Variants in CAMK1D observed in about 807,000 individuals in gnomAD.
CAMK1D encodes calcium/calmodulin dependent protein kinase ID.
A neutral mutation model predicts 47.7 loss-of-function variants in CAMK1D; 9 were observed. The observed-to-expected ratio is 0.19, with a 90% CI of 0.11 to 0.33. The LOEUF (loss-of-function observed/expected upper bound fraction) is 0.33. Ranked by LOEUF, CAMK1D falls within the 10% of genes least tolerant of loss-of-function variation. The probability of loss-of-function intolerance (pLI) is 1.00; values close to 1 mark genes in which losing one functional copy is unlikely to be tolerated. For synonymous variants in CAMK1D, 184 were observed against 184.9 expected, an observed-to-expected ratio of 0.99 and a Z score of 0.04; for missense variants, 291 against 488.7, an observed-to-expected ratio of 0.60 and a Z score of 3.81.
Position 12,830,504 on chromosome 10 carries a change from G to C in CAMK1D, c.*1617G>C, listed in dbSNP as rs1359713577. 6.6e-6 allele frequency: 1 copy of C among 152,214 alleles called. No homozygotes were observed. Among genetic ancestry groups the C allele is most frequent in the Non-Finnish European group, 1.5e-5 (1 of 68,056 alleles). 9.4% of individuals were successfully genotyped at this position (152,214 alleles called of 1,614,324 possible). A position where few individuals can be genotyped will look rare whatever the true frequency, so the allele number is the denominator to read the frequency against. On this transcript the variant is annotated 3_prime_UTR_variant, in exon 11 of 11. Coordinates refer to ENST00000619168, the MANE Select transcript of CAMK1D (RefSeq NM_153498.4). Reference sequence around the variant, plus strand: ...GGTAGGGTCACCAAACGTCCCATTTGCCCGAGACTGAAGGATTTCTCAGGC... The same window carrying C: ...GGTAGGGTCACCAAACGTCCCATTTCCCCGAGACTGAAGGATTTCTCAGGC...
intron 1 of CAMK1D, among the ~76,000 whole-genome samples, chr10:12,550,523 A>G (rs1322690804): frequency 6.6e-6 from 1 of 152,122 alleles, no homozygotes. Context: ...TGGAATTGTT[A>G]TGATTTGGGT....
intron 1 of CAMK1D, among the ~76,000 whole-genome samples, chr10:12,388,902 G>T (rs367970593): frequency 6.6e-6 from 1 of 152,194 alleles, no homozygotes; most frequent in Non-Finnish European, 1.5e-5. Context: ...AAAGCCTGTC[G>T]TTGGAGGAAA....
intron 6 of CAMK1D, among the ~76,000 whole-genome samples, chr10:12,811,676 A>G (rs1359477567): frequency 6.6e-6 from 1 of 152,252 alleles, no homozygotes; most frequent in Non-Finnish European, 1.5e-5. Context: ...GAATTTTCTT[A>G]AAGAATTTTT....
intron 3 of CAMK1D, among the ~76,000 whole-genome samples, chr10:12,732,110 G>A (rs570269246): frequency 9.2e-5 from 14 of 152,196 alleles, no homozygotes; most frequent in South Asian, 2.1e-4. Flanking sequence ...GTGTGGTGGC[G>A]CGTGCCTGTA....
intron 3 of CAMK1D, among the ~76,000 whole-genome samples, chr10:12,747,177 G>A (rs1482455507): frequency 6.6e-6 from 1 of 151,980 alleles, no homozygotes; most frequent in Non-Finnish European, 1.5e-5. Context: ...GACTACAGGC[G>A]CACACCACCA....
At chr10:12,572,607 A>G (rs1296662897) in intron 2 of CAMK1D, among the ~76,000 whole-genome samples, 1 of 152,068 alleles carries the variant, frequency 6.6e-6, no homozygotes, top group Admixed American at 6.6e-5. Flanking sequence ...GAGGGGCCCT[A>G]GGCAAGGCAA....
chr10:12,545,610 G>C (rs1836341586), intron 1 of CAMK1D, among the ~76,000 whole-genome samples: 1 of 151,672 alleles, frequency 6.6e-6, no homozygotes, highest in Admixed American at 6.6e-5. Context: ...GACCATCCTG[G>C]CCAACATGGT....
intron 2 of CAMK1D, among the ~76,000 whole-genome samples, chr10:12,617,173 T>C (rs1345413791): frequency 6.6e-6 from 1 of 152,204 alleles, no homozygotes; most frequent in Non-Finnish European, 1.5e-5. Flanking sequence ...ATTTAAGCTT[T>C]GCAGTAAGAT....
intron 1 of CAMK1D, among the ~76,000 whole-genome samples, chr10:12,546,898 T>C (rs931742175): frequency 3.9e-5 from 6 of 151,938 alleles, no homozygotes; most frequent in African/African-American, 1.5e-4. Context: ...ACATGGCACA[T>C]GTATAGATAT....
At chr10:12,490,523 TC>T (rs1167538882) in intron 1 of CAMK1D, among the ~76,000 whole-genome samples, 2 of 152,168 alleles carry the variant, frequency 1.3e-5, no homozygotes, top group Non-Finnish European at 2.9e-5. Flanking sequence ...ATTAGGGCAG[TC>T]TCACTGATAT....
intron 1 of CAMK1D, among the ~76,000 whole-genome samples, chr10:12,550,095 G>A (rs1836529213): frequency 6.6e-6 from 1 of 152,208 alleles, no homozygotes; most frequent in Non-Finnish European, 1.5e-5. Context: ...GAGGAGAGGG[G>A]CCTGATCGCA....
chr10:12,666,722 A>ATT lies in CAMK1D; in HGVS notation c.225-5_225-4dup. ...ATCATACTCACTATTTTGTGCGTCT[A>ATT]TTTTTTTTTTCAGGATTAAGCATGA... On this transcript the variant is annotated splice_polypyrimidine_tract_variant and intron_variant, in intron 2 of 10. Transcript: ENST00000619168. 16 of 1,406,932 alleles carry ATT rather than the reference A, an allele frequency of 1.1e-5. No homozygotes were observed. The highest frequency in any genetic ancestry group is 3.9e-5 in the South Asian group (3 of 77,162). 87.2% of individuals were successfully genotyped at this position (1,406,932 alleles called of 1,614,324 possible).
At chr10:12,811,869 T>C (rs1385579970) in intron 6 of CAMK1D, among the ~76,000 whole-genome samples, 1 of 152,252 alleles carries the variant, frequency 6.6e-6, no homozygotes, top group East Asian at 1.9e-4. Context: ...GACAGACCCA[T>C]CTTGGGGCTC....
chr10:12,485,410 A>C (rs774412485), intron 1 of CAMK1D, among the ~76,000 whole-genome samples: 1 of 152,156 alleles, frequency 6.6e-6, no homozygotes, highest in Non-Finnish European at 1.5e-5. Context: ...AGAAACAGGC[A>C]GCACAATGGT....
At chr10:12,472,923 C>T (rs769371393) in intron 1 of CAMK1D, among the ~76,000 whole-genome samples, 4 of 152,128 alleles carry the variant, frequency 2.6e-5, no homozygotes, top group East Asian at 1.9e-4. Flanking sequence ...TGCAGGAACT[C>T]GCTGCTCCTT....
intron 1 of CAMK1D, among the ~76,000 whole-genome samples, chr10:12,373,384 C>A (rs1838062589): frequency 1.3e-5 from 2 of 151,940 alleles, no homozygotes; most frequent in South Asian, 4.2e-4. Flanking sequence ...GTAATCCCAG[C>A]ACTTTGGGAA....
chr10:12,469,757 T>A (rs1833694217), intron 1 of CAMK1D, among the ~76,000 whole-genome samples: 1 of 152,274 alleles, frequency 6.6e-6, no homozygotes, highest in African/African-American at 2.4e-5. Context: ...GAGAACACTT[T>A]AGTGGAAATG....
chr10:12,574,085 G>T (rs1837415132), intron 2 of CAMK1D, among the ~76,000 whole-genome samples: 1 of 151,960 alleles, frequency 6.6e-6, no homozygotes, highest in Admixed American at 6.6e-5. Context: ...ACCAACCATT[G>T]TACTGAAACT....
chr10:12,830,723 C>T lies in CAMK1D; in HGVS notation c.*1836C>T, dbSNP rs991821511. Reference sequence around the variant, plus strand: ...GTGCCCCTGCTTCAGCTCTCAGGCCCATCCAATGCCTCGAGCCCACGGGGG... The same window carrying T: ...GTGCCCCTGCTTCAGCTCTCAGGCCTATCCAATGCCTCGAGCCCACGGGGG... On this transcript the variant is annotated 3_prime_UTR_variant, in exon 11 of 11. Coordinates refer to ENST00000619168, the MANE Select transcript of CAMK1D (RefSeq NM_153498.4). The T allele has an allele frequency of 6.6e-6, 1 of 152,210 alleles. No individual in the cohort carries two copies. Among genetic ancestry groups the T allele is most frequent in the Non-Finnish European group, 1.5e-5 (1 of 68,062 alleles). 9.4% of individuals were successfully genotyped at this position (152,210 alleles called of 1,614,324 possible).
Sources: allele counts gnomAD v4.1 joint callset (sites outside exome capture counted in the v4.1 genomes callset), GRCh38; gene constraint gnomAD v4.1.1; transcripts MANE v1.5; gene names NCBI Gene and HGNC (gene_info 2026-07-23, HGNC 2026-07-21).